Variants in NBPF14 observed in about 807,000 individuals in gnomAD.
NBPF14 encodes the protein NBPF family member NBPF14.
Under a neutral mutation model 91.2 loss-of-function variants are expected in NBPF14, and 104 were observed. The ratio of observed to expected loss-of-function variants is 1.14; its 90% CI spans 0.97 to 1.34. NBPF14 has a LOEUF of 1.34. Among genes scored for constraint, NBPF14 ranks in the 40% most tolerant of loss-of-function variants. The pLI is 0.00. For missense variants in NBPF14, 908 were observed against 783.0 expected, an observed-to-expected ratio of 1.16 and a Z score of -1.91; for synonymous variants, 294 against 303.8, an observed-to-expected ratio of 0.97 and a Z score of 0.34.
chr1:148,559,701 C>T (rs1348946102), intron 37 of NBPF14, 92 bp downstream of exon 37: 10 of 715,882 alleles, frequency 1.4e-5, no homozygotes, highest in Non-Finnish European at 2.4e-5. Flanking sequence ...GCAATGACAT[C>T]TCTCAGCTCA....
intron 34 of NBPF14, among the ~76,000 whole-genome samples, chr1:148,561,873 A>G (rs1474143956): frequency 1.5e-5 from 2 of 134,088 alleles, no homozygotes; most frequent in African/African-American, 7.3e-5. Flanking sequence ...TGTCCAGGTG[A>G]CACACTGATG....
At chr1:148,593,905 A>G (rs1413235137) in intron 2 of NBPF14, among the ~76,000 whole-genome samples, 1 of 149,878 alleles carries the variant, frequency 6.7e-6, no homozygotes, top group African/African-American at 2.4e-5. Flanking sequence ...AGAAAGAGAA[A>G]CTCAAGGGCA....
intron 69 of NBPF14, among the ~76,000 whole-genome samples, chr1:148,534,333 G>C (rs1310912637): frequency 6.6e-6 from 1 of 151,718 alleles, no homozygotes; most frequent in Non-Finnish European, 1.5e-5. Context: ...ATTGTTCATG[G>C]TAGTGAGGAC....
chr1:148,577,706 A>G (rs1215300128), intron 14 of NBPF14, among the ~76,000 whole-genome samples: 3 of 144,892 alleles, frequency 2.1e-5, no homozygotes, highest in Non-Finnish European at 4.5e-5. Context: ...TGTCCTCAAT[A>G]ATTTTGCATA....
At position 148,572,327 on chromosome 1, in the gene NBPF14, G is replaced by C. The variant is rs1209694914; in HGVS notation, c.2758+116C>G. On this transcript the variant is annotated intron_variant, in intron 21 of 70. Coordinates refer to ENST00000619423, the Ensembl canonical transcript of NBPF14. The stretch of plus-strand genomic sequence containing the variant: ...TCATTACAACCTATATGCGCCCATA[G>C]GTCCTGCCTGCGGCAATGACGTCTC... The C allele has an allele frequency of 9.6e-5, 25 of 259,370 alleles. 6 individuals are homozygous for C. In the African/African-American group the frequency reaches 1.6e-3, roughly 17 times the overall value. 16.1% of individuals were successfully genotyped at this position (259,370 alleles called of 1,614,324 possible).
intron 13 of NBPF14, 73 bp from the exon 14 acceptor site, chr1:148,578,107 C>G: frequency 2.9e-6 from 2 of 688,768 alleles, no homozygotes; most frequent in Non-Finnish European, 5.2e-6. Flanking sequence ...TCTGTCCAAT[C>G]CTAACACAGG....
In NBPF14 at chr1:148,595,379, C is replaced by T. The variant is rs1250410909; in HGVS notation, c.175+164G>A. On this transcript the variant is annotated intron_variant, in intron 2 of 70. Coordinates refer to ENST00000619423, the Ensembl canonical transcript of NBPF14. Reference sequence around the variant, plus strand: ...CATGGAAAGTTGCTAAATACTTTGGCACCTCTGTCTTCCAACTTTAACAAA... The same window carrying T: ...CATGGAAAGTTGCTAAATACTTTGGTACCTCTGTCTTCCAACTTTAACAAA... Among the ~76,000 whole-genome samples, 12 of 148,338 alleles carry T rather than the reference C, an allele frequency of 8.1e-5. 1 individual carries two copies. The highest frequency in any genetic ancestry group is 4.4e-4 in the South Asian group (2 of 4,560).
intron 2 of NBPF14, 120 bp downstream of exon 2, chr1:148,595,423 C>T: frequency 7.7e-7 from 1 of 1,297,668 alleles, no homozygotes; most frequent in Non-Finnish European, 1.1e-6. Flanking sequence ...ATACCCATTT[C>T]TGTTTTCTTA....
chr1:148,589,715 T>A (rs1293785486), intron 6 of NBPF14, among the ~76,000 whole-genome samples: 3 of 134,528 alleles, frequency 2.2e-5, no homozygotes, highest in East Asian at 2.0e-4. Context: ...TTTGCTTTTT[T>A]AATTTTTTTC....
chr1:148,595,353 A>C (rs1663150378), intron 2 of NBPF14, among the ~76,000 whole-genome samples, 190 bp downstream of exon 2: 2 of 148,450 alleles, frequency 1.3e-5, no homozygotes, highest in African/African-American at 5.0e-5. Flanking sequence ...CTGATTGCAA[A>C]CATGGAAAGT....
intron 28 of NBPF14, 84 bp from the exon 29 acceptor site, chr1:148,566,399 G>A (rs1475373961): frequency 3.1e-6 from 2 of 637,150 alleles, no homozygotes; most frequent in African/African-American, 1.9e-5. Context: ...GGTAGCATAG[G>A]GAAGTGGTTA....
Position 148,557,512 on chromosome 1 carries a change from T to A in NBPF14, c.4985A>T (p.Asp1662Val), listed in dbSNP as rs1400989360. Residue 1662 changes from aspartate (D) to valine (V), a missense_variant, in exon 40 of 71, where the codon GAC becomes GTC. Asp to Val is a radical substitution (Grantham distance 152). Around this residue, in one of 13 missense-constraint regions of NBPF14, gnomAD observed 7 missense variants for 43.6 expected, o/e 0.16. Transcript: ENST00000619423. ...TTACCTGGGGCATGGTGGGTCTTGG[T>A]CTTCTTCCTCTTCTTCGTCCTTTTT... 5 of 1,054,550 alleles carry A rather than the reference T, an allele frequency of 4.7e-6. 2 individuals carry two copies. Among genetic ancestry groups the A allele is most frequent in the Admixed American group, 3.8e-5 (2 of 52,076 alleles). The allele number at this position is 1,054,550 out of a possible 1,614,324, so 65.3% of individuals were successfully genotyped here.
At chr1:148,589,811 C>T (rs1662147167) in intron 6 of NBPF14, among the ~76,000 whole-genome samples, 1 of 148,106 alleles carries the variant, frequency 6.8e-6, no homozygotes, top group African/African-American at 2.4e-5. Flanking sequence ...CAGCTCACTG[C>T]CACCTCTGCC....
In NBPF14 at chr1:148,577,976, G is replaced by C. The variant is rs1451144914; in HGVS notation, c.1853+7C>G. On this transcript the variant is annotated splice_region_variant and intron_variant, in intron 14 of 70. Transcript: ENST00000619423. ...CAAATTAACTGTCCACAATTTCTCA[G>C]ACTCACCTGGGACCTGTTGCCTCTT... is the stretch of plus-strand genomic sequence containing the variant. 5.0e-6 allele frequency: 3 copies of C among 603,968 alleles called. No individual in the cohort carries two copies. The highest frequency in any genetic ancestry group is 8.7e-6 in the Non-Finnish European group (3 of 344,660). The allele number at this position is 603,968 out of a possible 1,614,324, so 37.4% of individuals were successfully genotyped here.
rs1663187360 is a variant in NBPF14, at chr1:148,595,588, G to A, written c.130C>T (p.Leu44=). 3 of 1,580,892 alleles carry A rather than the reference G, an allele frequency of 1.9e-6. 1 individual carries two copies. The highest frequency in any genetic ancestry group is 2.6e-6 in the Non-Finnish European group (3 of 1,158,860). ...GCCAGGAAGCCGGCCAGTTGAGTTA[G>A]AAAACATTTCTCTTTGAGGTTTCTG... Residue 44 remains leucine (L), a synonymous_variant, in exon 2 of 71, where the codon CTA becomes TTA. Transcript: ENST00000619423.
At chr1:148,566,528 C>G (rs1454426046) in intron 28 of NBPF14, among the ~76,000 whole-genome samples, 1 of 130,084 alleles carries the variant, frequency 7.7e-6, no homozygotes, top group Non-Finnish European at 1.8e-5. Flanking sequence ...CACACACACA[C>G]ACACACACAC....
At chr1:148,560,313 AT>A (rs1657602820) in intron 36 of NBPF14, among the ~76,000 whole-genome samples, 1 of 133,964 alleles carries the variant, frequency 7.5e-6, no homozygotes, top group East Asian at 2.4e-4. Flanking sequence ...AGTGAGCTCA[AT>A]AGTTTTCCAT....
At chr1:148,535,284 G>A (rs1373607930) in intron 68 of NBPF14, among the ~76,000 whole-genome samples, 169 bp downstream of exon 68, 2 of 149,962 alleles carry the variant, frequency 1.3e-5, no homozygotes, top group African/African-American at 2.5e-5. Flanking sequence ...ATAAGGGGAG[G>A]AAGAAATGGA....
Position 148,595,030 on chromosome 1 carries a change from T to C in NBPF14, c.175+513A>G, listed in dbSNP as rs1439490351. On this transcript the variant is annotated intron_variant, in intron 2 of 70. Transcript: ENST00000619423. ...TGCTCTTGATGCTGTCACTTATAGATAGCACAGGTTCTATTAGGAGCAGAC... is the reference window on the plus strand; with the variant it reads ...TGCTCTTGATGCTGTCACTTATAGACAGCACAGGTTCTATTAGGAGCAGAC... 5.2e-5 allele frequency among the ~76,000 whole-genome samples: 7 copies of C among 135,884 alleles called. 1 individual carries two copies. Among genetic ancestry groups the C allele is most frequent in the African/African-American group, 1.1e-4 (4 of 35,680 alleles). The allele number at this position is 135,884 out of a possible 152,430, so 89.1% of individuals were successfully genotyped here. A position where few individuals can be genotyped will look rare whatever the true frequency, so the allele number is the denominator to read the frequency against.
Sources: gnomAD v4.1 joint callset for allele counts (sites outside exome capture counted in the v4.1 genomes callset) on GRCh38, gnomAD v4.1.1 for gene constraint, gnomAD v4.1.1 regional missense constraint, MANE v1.5 for transcripts, NCBI Gene and HGNC (gene_info 2026-07-23, HGNC 2026-07-21) for gene names.